Variants in KRIT1 observed in about 807,000 individuals in gnomAD.
KRIT1 encodes the protein KRIT1 ankyrin repeat containing, also known as krev interaction trapped protein 1.
Under a neutral mutation model 95.8 loss-of-function variants are expected in KRIT1, and 45 were observed. The observed-to-expected ratio is 0.47, with a 90% CI of 0.37 to 0.60. The LOEUF is 0.60. Ranked by LOEUF, KRIT1 falls within the 20% of genes least tolerant of loss-of-function variation. The probability of loss-of-function intolerance (pLI) is 0.00; values close to 1 mark genes in which losing one functional copy is unlikely to be tolerated. For missense variants in KRIT1, 788 were observed against 877.5 expected, an observed-to-expected ratio of 0.90 and a Z score of 1.29; for synonymous variants, 282 against 278.8, an observed-to-expected ratio of 1.01 and a Z score of -0.11.
intron 17 of KRIT1, among the ~76,000 whole-genome samples, chr7:92,202,871 A>G (rs1369936100): frequency 6.6e-6 from 1 of 152,190 alleles, no homozygotes; most frequent in Non-Finnish European, 1.5e-5. Flanking sequence ...CCTTATACAT[A>G]GGAGGATATA....
chr7:92,236,573 C>A, intron 6 of KRIT1, 31 bp from the exon 7 acceptor site: 1 of 1,416,192 alleles, frequency 7.1e-7, no homozygotes, highest in South Asian at 1.1e-5. Flanking sequence ...ATTATGCTAC[C>A]ATATAAAAGG....
At chr7:92,212,948 T>C (rs1055144877) in intron 17 of KRIT1, among the ~76,000 whole-genome samples, 1 of 152,226 alleles carries the variant, frequency 6.6e-6, no homozygotes, top group Non-Finnish European at 1.5e-5. Flanking sequence ...TAAATGTATC[T>C]TGCAGATCAT....
chr7:92,207,664 G>A (rs370200586), intron 17 of KRIT1, among the ~76,000 whole-genome samples: 17 of 152,166 alleles, frequency 1.1e-4, no homozygotes, highest in East Asian at 7.7e-4. Context: ...TGAGACCAGC[G>A]TGGGCAACAT....
chr7:92,200,345 T>C lies in KRIT1; in HGVS notation c.*391A>G, dbSNP rs1789870218. On this transcript the variant is annotated 3_prime_UTR_variant, in exon 19 of 19. Coordinates refer to ENST00000394505, the MANE Select transcript of KRIT1 (RefSeq NM_194454.3). ...TATATATTACAAGAGACTATATGCCTTGTTGAAAGTAATTTTTTTTTTTTT... is the reference window on the plus strand; with the variant it reads ...TATATATTACAAGAGACTATATGCCCTGTTGAAAGTAATTTTTTTTTTTTT... 1 of 271,964 alleles carries C rather than the reference T, an allele frequency of 3.7e-6. No homozygotes were observed. The highest frequency in any genetic ancestry group is 7.1e-6 in the Non-Finnish European group (1 of 141,184). The allele number at this position is 271,964 out of a possible 1,614,324, so 16.8% of individuals were successfully genotyped here.
chr7:92,240,277 T>C (rs1336003434), intron 5 of KRIT1, among the ~76,000 whole-genome samples: 1 of 152,174 alleles, frequency 6.6e-6, no homozygotes, highest in Admixed American at 6.5e-5. Flanking sequence ...ATGAATCAGA[T>C]AACTAATCCC....
intron 10 of KRIT1, among the ~76,000 whole-genome samples, chr7:92,230,250 C>G (rs889497718): frequency 2.6e-5 from 4 of 152,070 alleles, no homozygotes; most frequent in Admixed American, 2.6e-4. Context: ...CCCAACGTCT[C>G]ATGGTGACTA....
At chr7:92,229,522 C>T (rs1796862000) in intron 10 of KRIT1, among the ~76,000 whole-genome samples, 1 of 152,066 alleles carries the variant, frequency 6.6e-6, no homozygotes, top group African/African-American at 2.4e-5. Flanking sequence ...ATACAAGCAG[C>T]CAAGAGACAT....
intron 12 of KRIT1, among the ~76,000 whole-genome samples, chr7:92,224,394 T>G (rs73228593): frequency 0.013 from 2,041 of 152,064 alleles, 17 homozygotes; most frequent in Non-Finnish European, 0.021. Flanking sequence ...CCTAGAAGGT[T>G]GAGGCTGCAG....
chr7:92,215,649 T>C (rs1167961200), intron 14 of KRIT1, among the ~76,000 whole-genome samples: 1 of 152,126 alleles, frequency 6.6e-6, no homozygotes, highest in African/African-American at 2.4e-5. Flanking sequence ...TTTAAATTTT[T>C]TGAAGACAGA....
intron 10 of KRIT1, among the ~76,000 whole-genome samples, chr7:92,228,687 C>T (rs1046895293): frequency 6.6e-6 from 1 of 152,046 alleles, no homozygotes; most frequent in African/African-American, 2.4e-5. Flanking sequence ...ATTTCACCAC[C>T]CAGGTACTAA....
chr7:92,230,838 A>AAG (rs932221832), intron 10 of KRIT1, among the ~76,000 whole-genome samples: 1 of 152,162 alleles, frequency 6.6e-6, no homozygotes, highest in Non-Finnish European at 1.5e-5. Flanking sequence ...GGGGGCAAAA[A>AAG]GGAGTATAGG....
chr7:92,205,290 G>A (rs1791207977), intron 17 of KRIT1, among the ~76,000 whole-genome samples: 11 of 152,124 alleles, frequency 7.2e-5, no homozygotes, highest in Admixed American at 6.5e-4. Context: ...AGGTTGCAGT[G>A]AGCCAAGATC....
Position 92,222,973 on chromosome 7 carries a change from T to C in KRIT1, c.1260A>G (p.Glu420=), listed in dbSNP as rs756728302. 9 of 1,604,892 alleles carry C rather than the reference T, an allele frequency of 5.6e-6. No homozygotes were observed. In the East Asian group the frequency reaches 2.0e-4, roughly 36 times the overall value. ...CATCCATTCTGTATATTCGAACTTTTTCATACTACAAGAAACGATAACTTA... is the reference window on the plus strand; with the variant it reads ...CATCCATTCTGTATATTCGAACTTTCTCATACTACAAGAAACGATAACTTA... ...LLKEAINKPY[E]KVRIYRMDGS... The change falls in exon 13 of 19, where the codon GAA becomes GAG. Residue 420 remains glutamate (E), a synonymous_variant. Transcript: ENST00000394505.
At chr7:92,216,705 T>C (rs961559239) in intron 14 of KRIT1, among the ~76,000 whole-genome samples, 2 of 152,212 alleles carry the variant, frequency 1.3e-5, no homozygotes, top group African/African-American at 4.8e-5. Flanking sequence ...TGTGATCTAA[T>C]GAATGGTAAA....
At chr7:92,237,605 CA>C in intron 6 of KRIT1, 61 bp downstream of exon 6, 1 of 921,204 alleles carries the variant, frequency 1.1e-6, no homozygotes, top group Non-Finnish European at 1.8e-6. Context: ...TTAACTTCCT[CA>C]ATAGACCTTT....
chr7:92,201,858 A>G (rs1395989445), intron 17 of KRIT1, among the ~76,000 whole-genome samples: 1 of 152,188 alleles, frequency 6.6e-6, no homozygotes, highest in East Asian at 1.9e-4. Context: ...AAGCCTTTTC[A>G]AAGCACCCCG....
At chr7:92,243,152 CTG>C (rs151222836) in intron 3 of KRIT1, among the ~76,000 whole-genome samples, 8 of 151,480 alleles carry the variant, frequency 5.3e-5, no homozygotes, top group Admixed American at 6.6e-5. Context: ...AATATATTCA[CTG>C]TGTGTGTGTG....
In KRIT1 at chr7:92,202,382, CTAATA is replaced by C. The variant is rs929148623; in HGVS notation, c.2026-964_2026-960del. On this transcript the variant is annotated intron_variant, in intron 17 of 18. Coordinates refer to ENST00000394505, the MANE Select transcript of KRIT1 (RefSeq NM_194454.3). ...CAGTATTAATGATTCCTACACTTTCCTAATATAATACTGTATATAAGCAGACATTC... is the reference window on the plus strand; with the variant it reads ...CAGTATTAATGATTCCTACACTTTCCTAATACTGTATATAAGCAGACATTC... 245 of 152,276 alleles carry C rather than the reference CTAATA, an allele frequency of 1.6e-3. 1 individual carries two copies. The highest frequency in any genetic ancestry group is 5.6e-3 in the African/African-American group (232 of 41,550). The allele number at this position is 152,276 out of a possible 1,614,324, so 9.4% of individuals were successfully genotyped here.
chr7:92,217,641 G>A (rs1156439880), intron 14 of KRIT1, among the ~76,000 whole-genome samples: 1 of 152,094 alleles, frequency 6.6e-6, no homozygotes, highest in Admixed American at 6.6e-5. Flanking sequence ...TGTATATATA[G>A]ATCACATTTT....
Sources: allele counts gnomAD v4.1 joint callset (sites outside exome capture counted in the v4.1 genomes callset), GRCh38; gene constraint gnomAD v4.1.1; transcripts MANE v1.5; gene names NCBI Gene and HGNC (gene_info 2026-07-23, HGNC 2026-07-21).